Variants in GIPC2 observed in about 807,000 individuals in gnomAD.
GIPC2 encodes PDZ domain-containing protein GIPC2.
A neutral mutation model predicts 30.6 loss-of-function variants in GIPC2; 30 were observed. The ratio of observed to expected loss-of-function variants is 0.98; its 90% CI spans 0.73 to 1.33. GIPC2 has a LOEUF of 1.33. Among genes scored for constraint, GIPC2 ranks in the 40% most tolerant of loss-of-function variants. The probability of loss-of-function intolerance (pLI) is 0.00; values close to 1 mark genes in which losing one functional copy is unlikely to be tolerated. For missense variants in GIPC2, 414 were observed against 390.3 expected (o/e 1.06, Z -0.51); for synonymous variants, 167 against 150.0 (o/e 1.11, Z -0.83).
intron 3 of GIPC2, among the ~76,000 whole-genome samples, chr1:78,115,776 G>A (rs1363036033): frequency 6.6e-6 from 1 of 152,146 alleles, no homozygotes; most frequent in African/African-American, 2.4e-5. Context: ...TTGGTTAGGC[G>A]GGGCTAGTGT....
At chr1:78,108,768 G>C (rs1003718381) in intron 3 of GIPC2, among the ~76,000 whole-genome samples, 1 of 152,178 alleles carries the variant, frequency 6.6e-6, no homozygotes, top group Non-Finnish European at 1.5e-5. Flanking sequence ...ATGTGGGGTA[G>C]GGAGCATGTG....
intron 4 of GIPC2, among the ~76,000 whole-genome samples, chr1:78,121,284 G>A (rs980169004): frequency 2.0e-5 from 3 of 152,152 alleles, no homozygotes; most frequent in Admixed American, 2.0e-4. Flanking sequence ...GTGGGCAGAT[G>A]GGATGTCGAG....
intron 3 of GIPC2, among the ~76,000 whole-genome samples, chr1:78,099,996 A>G (rs755432605): frequency 6.6e-5 from 10 of 152,220 alleles, no homozygotes; most frequent in Non-Finnish European, 1.5e-4. Flanking sequence ...TTATATATGA[A>G]GACAAAGACT....
chr1:78,121,204 T>A (rs1180619170), intron 4 of GIPC2, among the ~76,000 whole-genome samples: 1 of 152,010 alleles, frequency 6.6e-6, no homozygotes, highest in Admixed American at 6.6e-5. Context: ...GGGGTGGCGA[T>A]GGTAAGGATT....
At chr1:78,063,648 G>T (rs1207542177) in intron 1 of GIPC2, among the ~76,000 whole-genome samples, 2 of 152,116 alleles carry the variant, frequency 1.3e-5, no homozygotes, top group African/African-American at 2.4e-5. Context: ...ACTTTGGGAG[G>T]CTGAGGCGGG....
At chr1:78,112,526 C>T (rs765931395) in intron 3 of GIPC2, 1 of 519,044 alleles carries the variant, frequency 1.9e-6, no homozygotes, top group South Asian at 1.4e-5. Flanking sequence ...AGGTGCTGCT[C>T]CATACTCCAG....
chr1:78,101,916 A>G (rs1662257299), intron 3 of GIPC2, among the ~76,000 whole-genome samples: 1 of 152,178 alleles, frequency 6.6e-6, no homozygotes, highest in Non-Finnish European at 1.5e-5. Flanking sequence ...AGACCAACTC[A>G]TTTGTTTTCC....
intron 3 of GIPC2, among the ~76,000 whole-genome samples, chr1:78,117,358 G>T (rs1013956300): frequency 6.6e-6 from 1 of 152,034 alleles, no homozygotes; most frequent in Non-Finnish European, 1.5e-5. Context: ...TTAGTGCAGG[G>T]GTCCCCAACC....
chr1:78,066,560 T>G (rs1178171841), intron 1 of GIPC2, among the ~76,000 whole-genome samples: 1 of 152,168 alleles, frequency 6.6e-6, no homozygotes, highest in Non-Finnish European at 1.5e-5. Context: ...ATATAGATCA[T>G]TTTACTGTAG....
chr1:78,104,105 G>A (rs536997692), intron 3 of GIPC2, among the ~76,000 whole-genome samples: 1 of 151,862 alleles, frequency 6.6e-6, no homozygotes, highest in African/African-American at 2.4e-5. Flanking sequence ...CTGGGAGATG[G>A]GGAGAGGCCT....
intron 1 of GIPC2, among the ~76,000 whole-genome samples, chr1:78,046,896 A>G (rs1661104238): frequency 6.6e-6 from 1 of 152,190 alleles, no homozygotes; most frequent in African/African-American, 2.4e-5. Context: ...CCAATCTGTC[A>G]TTTCTAACAT....
chr1:78,093,878 C>A (rs961386665), intron 2 of GIPC2, among the ~76,000 whole-genome samples: 5 of 152,088 alleles, frequency 3.3e-5, no homozygotes, highest in South Asian at 4.2e-4. Context: ...CTGTTTTCTG[C>A]AATTCTGGAA....
At chr1:78,061,050 G>C (rs1441174538) in intron 1 of GIPC2, among the ~76,000 whole-genome samples, 1 of 152,100 alleles carries the variant, frequency 6.6e-6, no homozygotes, top group Non-Finnish European at 1.5e-5. Context: ...GGGCCACCAG[G>C]GAGTCCTTGT....
chr1:78,046,795 T>G (rs954131285), intron 1 of GIPC2, among the ~76,000 whole-genome samples: 1 of 149,328 alleles, frequency 6.7e-6, no homozygotes, highest in African/African-American at 2.5e-5. Context: ...AAAAAAAAAA[T>G]AGAAGTGCCT....
intron 4 of GIPC2, among the ~76,000 whole-genome samples, chr1:78,120,375 T>C (rs1662657059): frequency 1.3e-5 from 2 of 152,186 alleles, no homozygotes; most frequent in South Asian, 4.1e-4. Flanking sequence ...TGCCCATTTA[T>C]CTGCATAGCT....
intron 2 of GIPC2, among the ~76,000 whole-genome samples, chr1:78,086,852 T>C (rs1362125631): frequency 6.6e-6 from 1 of 152,176 alleles, no homozygotes; most frequent in Non-Finnish European, 1.5e-5. Flanking sequence ...ATGGGTCTCT[T>C]GAAGACAGCA....
chr1:78,099,730 G>A (rs1041965052), intron 3 of GIPC2, among the ~76,000 whole-genome samples: 5 of 151,974 alleles, frequency 3.3e-5, no homozygotes, highest in Non-Finnish European at 7.4e-5. Context: ...GAGTCACTGC[G>A]CCCAGCCAGG....
intron 4 of GIPC2, among the ~76,000 whole-genome samples, chr1:78,122,611 G>A (rs1200068846): frequency 6.6e-6 from 1 of 152,110 alleles, no homozygotes; most frequent in Non-Finnish European, 1.5e-5. Flanking sequence ...TCACTATCAC[G>A]AGAACAGCCT....
intron 3 of GIPC2, among the ~76,000 whole-genome samples, chr1:78,097,807 A>G (rs533187730): frequency 6.6e-6 from 1 of 152,360 alleles, no homozygotes; most frequent in South Asian, 2.1e-4. Flanking sequence ...TGTGTGTACC[A>G]GGAACCATTC....
Sources: gnomAD v4.1 joint callset for allele counts (sites outside exome capture counted in the v4.1 genomes callset) on GRCh38, gnomAD v4.1.1 for gene constraint, MANE v1.5 for transcripts, NCBI Gene and HGNC (gene_info 2026-07-23, HGNC 2026-07-21) for gene names.